The following WRN variants were observed in gnomAD, a reference collection of about 807,000 sequenced individuals.
WRN encodes WRN RecQ like helicase, also known as bifunctional 3'-5' exonuclease/ATP-dependent helicase WRN.
Under a neutral mutation model 180.7 loss-of-function variants are expected in WRN, and 149 were observed. That is an observed-to-expected ratio of 0.82 (90% confidence interval 0.72 to 0.94). WRN has a LOEUF of 0.94. Among genes scored for constraint, WRN ranks in the 40% least tolerant of loss-of-function variants. The pLI is 0.00. For synonymous variants in WRN, 548 were observed against 568.9 expected, an observed-to-expected ratio of 0.96 and a Z score of 0.52; for missense variants, 1,661 against 1,700.1, an observed-to-expected ratio of 0.98 and a Z score of 0.40.
rs1157103674 is a variant in WRN at position 31,173,161 on chromosome 8, T to C, written c.*59T>C. ...TGTATTATAAGAGGATAGCTATATT[T>C]TATTTCTGAAGAGTAAGGAGTAGTA... On this transcript the variant is annotated 3_prime_UTR_variant, in exon 35 of 35. Transcript: ENST00000298139. The C allele has an allele frequency of 6.7e-7, 1 of 1,497,502 alleles. No homozygotes were observed. Among genetic ancestry groups the C allele is most frequent in the African/African-American group, 1.4e-5 (1 of 71,908 alleles). 92.8% of individuals were successfully genotyped at this position (1,497,502 alleles called of 1,614,324 possible). A position where few individuals can be genotyped will look rare whatever the true frequency, so the allele number is the denominator to read the frequency against.
At chr8:31,170,926 G>A in intron 34 of WRN, among the ~76,000 whole-genome samples, 1 of 152,204 alleles carries the variant, frequency 6.6e-6, no homozygotes, top group Middle Eastern at 3.4e-3. Context: ...TAGAAATATA[G>A]AAGATAAGAC....
intron 5 of WRN, among the ~76,000 whole-genome samples, chr8:31,065,294 A>G (rs1300334360): frequency 1.3e-5 from 2 of 152,072 alleles, no homozygotes; most frequent in Non-Finnish European, 2.9e-5. Context: ...ACACAGGTAA[A>G]CTTGTGTCAT....
At chr8:31,129,141 T>C (rs1294434093) in intron 23 of WRN, among the ~76,000 whole-genome samples, 1 of 152,160 alleles carries the variant, frequency 6.6e-6, no homozygotes, top group Non-Finnish European at 1.5e-5. Context: ...CAGACCCAGT[T>C]AATTAAAACA....
intron 1 of WRN, among the ~76,000 whole-genome samples, chr8:31,048,578 G>C (rs1322213958): frequency 6.6e-6 from 1 of 152,136 alleles, no homozygotes; most frequent in East Asian, 1.9e-4. Flanking sequence ...ATATACGTAA[G>C]TATAAAACCT....
chr8:31,067,227 C>T (rs1585412063), intron 6 of WRN, 45 bp downstream of exon 6: 1 of 1,605,914 alleles, frequency 6.2e-7, no homozygotes, highest in South Asian at 1.1e-5. Flanking sequence ...GTTTTAAAAA[C>T]ATTATTATAA....
rs114406794 is a variant in WRN at position 31,109,111 on chromosome 8, G to A, written c.2089-2504G>A. 1.7e-3 allele frequency among the ~76,000 whole-genome samples: 265 copies of A among 152,228 alleles called. 1 individual carries two copies. The highest frequency in any genetic ancestry group is 5.9e-3 in the African/African-American group (245 of 41,538). On this transcript the variant is annotated intron_variant, in intron 18 of 34. Transcript: ENST00000298139. Reference sequence around the variant, plus strand: ...TGTGTTCAGGCCTTTCGGCAGTACCGCCCCCAGAACTACCAGCTGTAGTGT... The same window carrying A: ...TGTGTTCAGGCCTTTCGGCAGTACCACCCCCAGAACTACCAGCTGTAGTGT...
chr8:31,132,649 A>G, intron 24 of WRN, 143 bp downstream of exon 24: 1 of 1,143,604 alleles, frequency 8.7e-7, no homozygotes, highest in Non-Finnish European at 1.3e-6. Context: ...AGTTCCAGTT[A>G]AACACTACAT....
chr8:31,093,061 C>CT (rs1303653721), intron 16 of WRN, among the ~76,000 whole-genome samples: 2 of 152,142 alleles, frequency 1.3e-5, no homozygotes, highest in Admixed American at 6.5e-5. Context: ...CCTCCTGCCT[C>CT]TCAAGTAGGC....
At position 31,087,860 on chromosome 8, in the gene WRN, AAAGAAG is replaced by A. The variant is rs781777438; in HGVS notation, c.1527_1532del (p.Glu509_Glu510del). ...GGAAAGAAATCTGGGTCTTCCTACT[AAAGAAG>A]AAGAAGAAGATGATGAAAATGAAGC... On this transcript the variant is annotated inframe_deletion, in exon 12 of 35. Coordinates refer to ENST00000298139, the MANE Select transcript of WRN (RefSeq NM_000553.6). The A allele has an allele frequency of 2.2e-5, 36 of 1,613,242 alleles. No homozygotes were observed. The highest frequency in any genetic ancestry group is 2.8e-5 in the Non-Finnish European group (33 of 1,179,632).
intron 23 of WRN, among the ~76,000 whole-genome samples, chr8:31,131,160 C>CTT: frequency 9.4e-6 from 1 of 106,830 alleles, no homozygotes. Context: ...TTGCAACTTT[C>CTT]TTTTTTTTTG....
chr8:31,035,402 G>C (rs894003824), intron 1 of WRN, among the ~76,000 whole-genome samples: 2 of 152,098 alleles, frequency 1.3e-5, no homozygotes, highest in Admixed American at 6.6e-5. Context: ...TTACCTTGAC[G>C]TTCTCTGGAG....
chr8:31,146,304 TATG>T lies in WRN; in HGVS notation c.3384-746_3384-744del, dbSNP rs150034115. ...TTGTTTATATATATTTTTAATATAATATGATAATATTGTATTTATATTATTAAA... is the reference window on the plus strand; with the variant it reads ...TTGTTTATATATATTTTTAATATAATATAATATTGTATTTATATTATTAAA... On this transcript the variant is annotated intron_variant, in intron 28 of 34. Coordinates refer to ENST00000298139, the MANE Select transcript of WRN (RefSeq NM_000553.6). Among the ~76,000 whole-genome samples, 1,355 of 150,200 alleles carry T rather than the reference TATG, an allele frequency of 9.0e-3. 21 individuals are homozygous for T. Among genetic ancestry groups the T allele is most frequent in the African/African-American group, 0.031 (1,294 of 41,142 alleles).
intron 1 of WRN, among the ~76,000 whole-genome samples, chr8:31,043,433 C>G (rs73579555): frequency 0.018 from 2,769 of 152,204 alleles, 66 homozygotes; most frequent in African/African-American, 0.064. Context: ...GTGATGAGGT[C>G]AGTTCCATCC....
Position 31,097,522 on chromosome 8 carries a change from G to A in WRN, c.1981+672G>A, listed in dbSNP as rs11574265. 8.5e-4 allele frequency among the ~76,000 whole-genome samples: 130 copies of A among 152,248 alleles called. No homozygotes were observed. The East Asian group carries it at 0.018, about 21-fold the overall frequency. Reference sequence around the variant, plus strand: ...TAAGTCACAGTTTATTTCCTAGAACGTGTAAATATAGAATTAGTCAAAAGC... The same window carrying A: ...TAAGTCACAGTTTATTTCCTAGAACATGTAAATATAGAATTAGTCAAAAGC... On this transcript the variant is annotated intron_variant, in intron 17 of 34. Transcript: ENST00000298139.
intron 7 of WRN, among the ~76,000 whole-genome samples, chr8:31,068,605 C>T (rs1812796683): frequency 1.3e-5 from 2 of 152,252 alleles, no homozygotes; most frequent in Middle Eastern, 3.4e-3. Flanking sequence ...AGTGACACAA[C>T]CAGCTTTCTC....
intron 31 of WRN, among the ~76,000 whole-genome samples, chr8:31,152,302 G>A (rs1803167868): frequency 6.6e-6 from 1 of 151,546 alleles, no homozygotes; most frequent in Non-Finnish European, 1.5e-5. Flanking sequence ...CTGCACTCCA[G>A]CCTGGGCGAC....
intron 7 of WRN, among the ~76,000 whole-genome samples, chr8:31,071,628 C>T (rs1312758991): frequency 6.6e-6 from 1 of 152,050 alleles, no homozygotes; most frequent in Non-Finnish European, 1.5e-5. Context: ...ATTACAGGTG[C>T]CTGCCACCAC....
chr8:31,047,723 G>A (rs1332900315), intron 1 of WRN, among the ~76,000 whole-genome samples: 1 of 152,158 alleles, frequency 6.6e-6, no homozygotes, highest in Non-Finnish European at 1.5e-5. Flanking sequence ...GACAACCTAA[G>A]CAACTTTTTA....
At chr8:31,050,050 A>G (rs1812026079) in intron 1 of WRN, among the ~76,000 whole-genome samples, 1 of 152,166 alleles carries the variant, frequency 6.6e-6, no homozygotes, top group Non-Finnish European at 1.5e-5. Flanking sequence ...TCACATGGAT[A>G]CTAAGTGACC....
Sources: allele counts gnomAD v4.1 joint callset (sites outside exome capture counted in the v4.1 genomes callset), GRCh38; gene constraint gnomAD v4.1.1; transcripts MANE v1.5; gene names NCBI Gene and HGNC (gene_info 2026-07-23, HGNC 2026-07-21).